The following DGKI variants were observed in gnomAD, a reference collection of about 807,000 sequenced individuals.
DGKI encodes diacylglycerol kinase iota.
DGKI carries 55 observed loss-of-function variants against 147.5 expected under a neutral mutation model. That is an observed-to-expected ratio of 0.37 (90% CI 0.30 to 0.47). The LOEUF (loss-of-function observed/expected upper bound fraction) is 0.47. DGKI is among the 20% of genes least tolerant of loss of function. The pLI is 1.00. For missense variants in DGKI, 1,007 were observed against 1,323.8 expected, an observed-to-expected ratio of 0.76 and a Z score of 3.71; for synonymous variants, 469 against 477.1, an observed-to-expected ratio of 0.98 and a Z score of 0.22.
chr7:137,541,705 T>C (rs1267615372), intron 20 of DGKI, among the ~76,000 whole-genome samples: 1 of 152,144 alleles, frequency 6.6e-6, no homozygotes, highest in African/African-American at 2.4e-5. Context: ...GACATCCATA[T>C]GCAAAAACAT....
intron 30 of DGKI, among the ~76,000 whole-genome samples, chr7:137,404,493 G>A (rs17169136): frequency 0.14 from 20,865 of 152,128 alleles, 1,489 homozygotes; most frequent in Non-Finnish European, 0.15. Context: ...TCAAAAATGC[G>A]GTGATCCTTG....
At chr7:137,695,610 G>T (rs1263525375) in intron 1 of DGKI, among the ~76,000 whole-genome samples, 1 of 152,138 alleles carries the variant, frequency 6.6e-6, no homozygotes, top group East Asian at 1.9e-4. Flanking sequence ...GAAGAGGTCC[G>T]AGTAAGATTT....
At chr7:137,735,494 A>C (rs936472500) in intron 1 of DGKI, among the ~76,000 whole-genome samples, 2 of 152,090 alleles carry the variant, frequency 1.3e-5, no homozygotes, top group Non-Finnish European at 1.5e-5. Context: ...GTGTACAAGC[A>C]TTTACCACAG....
At chr7:137,542,003 C>T (rs1817719396) in intron 20 of DGKI, among the ~76,000 whole-genome samples, 1 of 152,018 alleles carries the variant, frequency 6.6e-6, no homozygotes, top group Non-Finnish European at 1.5e-5. Context: ...CACACAAAGG[C>T]CTTGGGTGCA....
At chr7:137,468,007 C>G (rs1281247318) in intron 24 of DGKI, among the ~76,000 whole-genome samples, 1 of 148,902 alleles carries the variant, frequency 6.7e-6, no homozygotes. Context: ...AAAAAAAAAG[C>G]AAACCAAAAA....
chr7:137,650,893 A>G (rs1822002037), intron 5 of DGKI, among the ~76,000 whole-genome samples: 1 of 152,256 alleles, frequency 6.6e-6, no homozygotes, highest in Admixed American at 6.5e-5. Flanking sequence ...GATTTTCAGT[A>G]CAGCAGTGAA....
chr7:137,433,871 A>G (rs2128912591), intron 28 of DGKI, among the ~76,000 whole-genome samples: 1 of 152,206 alleles, frequency 6.6e-6, no homozygotes, highest in African/African-American at 2.4e-5. Flanking sequence ...TAATGCCAGA[A>G]CTTTGGGAGG....
intron 1 of DGKI, among the ~76,000 whole-genome samples, chr7:137,733,857 G>A (rs1213046866): frequency 1.3e-5 from 2 of 152,018 alleles, no homozygotes; most frequent in East Asian, 3.9e-4. Context: ...GTAAGGTAGT[G>A]GTCACTTGTA....
At chr7:137,479,296 G>A (rs2128932993) in intron 23 of DGKI, among the ~76,000 whole-genome samples, 1 of 152,022 alleles carries the variant, frequency 6.6e-6, no homozygotes. Context: ...AATAATATTA[G>A]CAAAAACTGC....
At chr7:137,842,269 C>T (rs1015486983) in intron 1 of DGKI, among the ~76,000 whole-genome samples, 1 of 152,170 alleles carries the variant, frequency 6.6e-6, no homozygotes, top group African/African-American at 2.4e-5. Flanking sequence ...TACGTGGCTT[C>T]GAACTCCTCA....
chr7:137,419,235 C>T (rs1380590058), intron 28 of DGKI, among the ~76,000 whole-genome samples: 1 of 152,198 alleles, frequency 6.6e-6, no homozygotes, highest in African/African-American at 2.4e-5. Flanking sequence ...AGTAAATTTA[C>T]AGTTTTAAGG....
chr7:137,631,948 T>C (rs1386351738), intron 6 of DGKI, among the ~76,000 whole-genome samples: 2 of 152,154 alleles, frequency 1.3e-5, no homozygotes, highest in Non-Finnish European at 1.5e-5. Flanking sequence ...ACCAACATTG[T>C]TGGGAAGTTC....
chr7:137,558,179 A>C (rs764778673), intron 19 of DGKI, among the ~76,000 whole-genome samples: 25 of 152,212 alleles, frequency 1.6e-4, no homozygotes, highest in Non-Finnish European at 3.1e-4. Context: ...TTGACACAAC[A>C]TTTTACAAGC....
At position 137,381,831 on chromosome 7, in the gene DGKI, A is replaced by C. The variant is rs1368901179; in HGVS notation, c.*9389T>G. On this transcript the variant is annotated 3_prime_UTR_variant, in exon 33 of 33. Transcript: ENST00000614521. ...TCTGTTGTGTTAGAATATTTTGTCTATGAGAGTTCTAAATCTCCTTCCCCA... is the reference window on the plus strand; with the variant it reads ...TCTGTTGTGTTAGAATATTTTGTCTCTGAGAGTTCTAAATCTCCTTCCCCA... The C allele has an allele frequency of 6.6e-6, 1 of 152,124 alleles. No individual in the cohort carries two copies. Among genetic ancestry groups the C allele is most frequent in the Non-Finnish European group, 1.5e-5 (1 of 68,010 alleles). The allele number at this position is 152,124 out of a possible 1,614,324, so 9.4% of individuals were successfully genotyped here.
At chr7:137,644,028 A>C (rs1252733418) in intron 6 of DGKI, among the ~76,000 whole-genome samples, 1 of 152,128 alleles carries the variant, frequency 6.6e-6, no homozygotes, top group African/African-American at 2.4e-5. Context: ...ACACACACAC[A>C]TGCACACTTA....
intron 8 of DGKI, among the ~76,000 whole-genome samples, chr7:137,618,147 A>ATTTTTTTT (rs1466435751): frequency 8.7e-5 from 1 of 11,540 alleles, no homozygotes; most frequent in African/African-American, 2.0e-4. Context: ...ATATATATAT[A>ATTTTTTTT]TATATTTTTT....
intron 24 of DGKI, among the ~76,000 whole-genome samples, chr7:137,468,740 A>G (rs150723176): frequency 8.1e-4 from 124 of 152,262 alleles, no homozygotes; most frequent in African/African-American, 2.9e-3. Context: ...ATCTTAATAG[A>G]TCTCTGCTGC....
At chr7:137,433,183 A>G (rs1415188273) in intron 28 of DGKI, among the ~76,000 whole-genome samples, 1 of 152,244 alleles carries the variant, frequency 6.6e-6, no homozygotes, top group Non-Finnish European at 1.5e-5. Context: ...TCCAGACCTA[A>G]GCAGCTATAA....
chr7:137,826,294 G>A (rs1798056256), intron 1 of DGKI, among the ~76,000 whole-genome samples: 1 of 152,214 alleles, frequency 6.6e-6, no homozygotes, highest in Non-Finnish European at 1.5e-5. Context: ...TGCAATGCAT[G>A]TACATAATGC....
Sources: allele counts gnomAD v4.1 joint callset (sites outside exome capture counted in the v4.1 genomes callset), GRCh38; gene constraint gnomAD v4.1.1; transcripts MANE v1.5; gene names NCBI Gene and HGNC (gene_info 2026-07-23, HGNC 2026-07-21).